Variants in MGST1 observed in about 807,000 individuals in gnomAD.
MGST1 encodes glutathione S-transferase 12.
In MGST1, 5 loss-of-function variants were observed where a neutral mutation model predicts 8.9. The ratio of observed to expected loss-of-function variants is 0.56; its 90% CI spans 0.29 to 1.19. MGST1 has a LOEUF of 1.19. MGST1 is among the 50% of genes most tolerant of loss of function. The pLI is 0.08. For missense variants in MGST1, 182 were observed against 187.4 expected (o/e 0.97, Z 0.17); for synonymous variants, 54 against 67.8 (o/e 0.80, Z 1.00).
At position 16,576,134 on chromosome 12, in the gene MGST1, C is replaced by T. The variant is rs900753438; in HGVS notation, n.483-13394C>T. On this transcript the variant is annotated intron_variant and non_coding_transcript_variant, in intron 4 of 4. Coordinates refer to the MGST1 transcript ENST00000538857. This position sits in a 1 kb window ranked among gnomAD's most constrained non-coding sequence, Gnocchi z 4.1. ...AACCTCCCAGCTGAACATCTTTCCACCAGCCTGCCCTGCCCTGCTGTCCGC... is the reference window on the plus strand; with the variant it reads ...AACCTCCCAGCTGAACATCTTTCCATCAGCCTGCCCTGCCCTGCTGTCCGC... Among the ~76,000 whole-genome samples, 16 of 152,206 alleles carry T rather than the reference C, an allele frequency of 1.1e-4. No individual in the cohort carries two copies. Among genetic ancestry groups the T allele is most frequent in the African/African-American group, 3.6e-4 (15 of 41,458 alleles).
At chr12:16,381,278 C>T (rs1295195802), downstream of MGST1, among the ~76,000 whole-genome samples, 1 of 152,110 alleles carries the variant, frequency 6.6e-6, no homozygotes, top group Non-Finnish European at 1.5e-5. Context: ...TGGCTGGTAC[C>T]GGTTCTTCCT....
Position 16,517,933 on chromosome 12 carries a change from T to C in MGST1, n.483-71595T>C, listed in dbSNP as rs1266008630. 1.3e-5 allele frequency among the ~76,000 whole-genome samples: 2 copies of C among 152,162 alleles called. No individual in the cohort carries two copies. Among genetic ancestry groups the C allele is most frequent in the Non-Finnish European group, 2.9e-5 (2 of 68,024 alleles). On this transcript the variant is annotated intron_variant and non_coding_transcript_variant, in intron 4 of 4. Coordinates refer to the MGST1 transcript ENST00000538857. This position sits in a 1 kb window ranked among gnomAD's most constrained non-coding sequence, Gnocchi z 4.2. ...ATTTTCATTTGATGTGATAAAACAA[T>C]CAAATGTTGTTCTTCACACCCAAGG...
At position 16,484,043 on chromosome 12, in the gene MGST1, G is replaced by A. The variant is rs1296069976; in HGVS notation, n.482+100439G>A. ...CCAAATTAGAGACCAATAACAGAAA[G>A]ATAACTACGTATGCCCACATATCTG... On this transcript the variant is annotated intron_variant and non_coding_transcript_variant, in intron 4 of 4. Coordinates refer to the MGST1 transcript ENST00000538857. 2.6e-5 allele frequency among the ~76,000 whole-genome samples: 4 copies of A among 152,156 alleles called. No individual in the cohort carries two copies. The East Asian group carries it at 5.8e-4, about 22-fold the overall frequency.
intron 4 of MGST1, among the ~76,000 whole-genome samples, chr12:16,575,010 C>T (rs1420551504): frequency 6.6e-6 from 1 of 152,016 alleles, no homozygotes; most frequent in Non-Finnish European, 1.5e-5. Flanking sequence ...AAACTAGTAA[C>T]AAAAAGAAAC....
Position 16,544,907 on chromosome 12 carries a change from T to C in MGST1, n.483-44621T>C, listed in dbSNP as rs1941814582. On this transcript the variant is annotated intron_variant and non_coding_transcript_variant, in intron 4 of 4. Transcript: ENST00000538857. The surrounding 1 kb of genome is among the most constrained non-coding windows in gnomAD (Gnocchi z 4.8). ...CATTTTGGACAGCATAGCTAGTTCT[T>C]GTGCCCCAACCAAGGTTCATATCGT... Among the ~76,000 whole-genome samples, 1 of 152,100 alleles carries C rather than the reference T, an allele frequency of 6.6e-6. No homozygotes were observed. The highest frequency in any genetic ancestry group is 2.4e-5 in the African/African-American group (1 of 41,454).
Position 16,362,395 on chromosome 12 carries a change from G to T in MGST1, c.222-1400G>T, listed in dbSNP as rs1940042516. Among the ~76,000 whole-genome samples the T allele has an allele frequency of 9.7e-6, 1 of 103,340 alleles. No individual in the cohort carries two copies. The highest frequency in any genetic ancestry group is 4.1e-5 in the African/African-American group (1 of 24,322). The allele number at this position is 103,340 out of a possible 152,430, so 67.8% of individuals were successfully genotyped here. The stretch of plus-strand genomic sequence containing the variant: ...ATGTCTCTATGTAGTCATCCTCTTT[G>T]TGAGACAAGCTTAGAGATAATCTAG... On this transcript the variant is annotated intron_variant, in intron 3 of 3. Transcript: ENST00000396210. This position sits in a 1 kb window ranked among gnomAD's most constrained non-coding sequence, Gnocchi z 4.4.
At position 16,547,389 on chromosome 12, in the gene MGST1, TTGTG is replaced by T. The variant is rs1201637815; in HGVS notation, n.483-42136_483-42133del. Among the ~76,000 whole-genome samples, 1 of 152,186 alleles carries T rather than the reference TTGTG, an allele frequency of 6.6e-6. No homozygotes were observed. The highest frequency in any genetic ancestry group is 1.5e-5 in the Non-Finnish European group (1 of 68,028). On this transcript the variant is annotated intron_variant and non_coding_transcript_variant, in intron 4 of 4. Transcript: ENST00000538857. The surrounding 1 kb of genome is among the most constrained non-coding windows in gnomAD (Gnocchi z 4.6). ...ATGTGCTATTGAGTTAATGAGTAAT[TTGTG>T]TGCGATAATTCTCTGAACACATTGA...
intron 1 of MGST1, among the ~76,000 whole-genome samples, chr12:16,415,841 G>A (rs1247582074): frequency 1.3e-5 from 2 of 152,114 alleles, no homozygotes; most frequent in Non-Finnish European, 2.9e-5. Context: ...CTACACAAAC[G>A]AGGGGAAATG....
At chr12:16,465,817 G>A (rs1941250591) in intron 4 of MGST1, among the ~76,000 whole-genome samples, 1 of 152,144 alleles carries the variant, frequency 6.6e-6, no homozygotes, top group Admixed American at 6.5e-5. Flanking sequence ...CCATGAAAGT[G>A]GTCCCTGGTG....
Position 16,513,863 on chromosome 12 carries a change from C to G in MGST1, n.483-75665C>G. 1 of 612,054 alleles carries G rather than the reference C, an allele frequency of 1.6e-6. No homozygotes were observed. Among genetic ancestry groups the G allele is most frequent in the South Asian group, 1.5e-5 (1 of 67,288 alleles). The allele number at this position is 612,054 out of a possible 1,614,324, so 37.9% of individuals were successfully genotyped here. On this transcript the variant is annotated intron_variant and non_coding_transcript_variant, in intron 4 of 4. Coordinates refer to the MGST1 transcript ENST00000538857. The surrounding 1 kb of genome is among the most constrained non-coding windows in gnomAD (Gnocchi z 4.2). ...CAAGATGTCTTTCTGCCCAAACCAA[C>G]CTGGGGAAGTCGCACACCCATCTTC...
intron 4 of MGST1, among the ~76,000 whole-genome samples, chr12:16,473,291 T>C (rs2137136700): frequency 6.6e-6 from 1 of 152,314 alleles, no homozygotes; most frequent in South Asian, 2.1e-4. Context: ...CCTGAGATGC[T>C]GTTAAACATC....
intron 1 of MGST1, among the ~76,000 whole-genome samples, chr12:16,387,822 G>T (rs893347378): frequency 3.3e-5 from 5 of 151,738 alleles, no homozygotes; most frequent in African/African-American, 4.8e-5. Context: ...GCCGCACCCT[G>T]CTGTTTTCTA....
At chr12:16,539,644 C>T (rs1196951680) in intron 4 of MGST1, among the ~76,000 whole-genome samples, 2 of 152,108 alleles carry the variant, frequency 1.3e-5, no homozygotes, top group Admixed American at 1.3e-4. Flanking sequence ...CCGACTCTAC[C>T]CCTGCTTTCA....
intron 1 of MGST1, among the ~76,000 whole-genome samples, chr12:16,420,409 A>C: frequency 6.6e-6 from 1 of 152,222 alleles, no homozygotes; most frequent in Non-Finnish European, 1.5e-5. Flanking sequence ...TTTTCTAGAT[A>C]TGTTCATTTG....
chr12:16,365,085 G>A (rs2137005823), downstream of MGST1, among the ~76,000 whole-genome samples: 1 of 152,232 alleles, frequency 6.6e-6, no homozygotes, highest in South Asian at 2.1e-4. Flanking sequence ...GATGAATTTA[G>A]TAAGGTAGTG....
chr12:16,468,065 G>A (rs532825624), intron 4 of MGST1, among the ~76,000 whole-genome samples: 7 of 152,156 alleles, frequency 4.6e-5, no homozygotes, highest in African/African-American at 1.7e-4. Flanking sequence ...GCCAACTATC[G>A]CAAAACAACA....
At chr12:16,580,812 C>T (rs1179916049) in intron 4 of MGST1, among the ~76,000 whole-genome samples, 12 of 152,048 alleles carry the variant, frequency 7.9e-5, no homozygotes, top group Non-Finnish European at 2.9e-5. Flanking sequence ...AAATTTTTCA[C>T]GATGTTCTTA....
Position 16,551,775 on chromosome 12 carries a change from A to G in MGST1, n.483-37753A>G, listed in dbSNP as rs929300629. Among the ~76,000 whole-genome samples, 42 of 152,096 alleles carry G rather than the reference A, an allele frequency of 2.8e-4. 1 individual carries two copies. Among genetic ancestry groups the G allele is most frequent in the African/African-American group, 8.9e-4 (37 of 41,464 alleles). ...AAAAGGCATTAAAATGAATCAAACA[A>G]TTAGAAAATAGCCTATTTTAAAGCT... On this transcript the variant is annotated intron_variant and non_coding_transcript_variant, in intron 4 of 4. Transcript: ENST00000538857.
intron 1 of MGST1, among the ~76,000 whole-genome samples, chr12:16,348,726 A>C (rs1939311929): frequency 5.3e-5 from 8 of 150,386 alleles, no homozygotes. Flanking sequence ...TCTTGGCCTT[A>C]GGATAGTACT....
Sources: allele counts gnomAD v4.1 joint callset (sites outside exome capture counted in the v4.1 genomes callset), GRCh38; gene constraint gnomAD v4.1.1; non-coding constraint Gnocchi (gnomAD v3.1); transcripts MANE v1.5; gene names NCBI Gene and HGNC (gene_info 2026-07-23, HGNC 2026-07-21).